TSPAN5: variants seen among roughly 807,000 people sequenced by gnomAD.
The protein encoded by TSPAN5 is tetraspanin 5.
In TSPAN5, 10 loss-of-function variants were observed where a neutral mutation model predicts 37.1. The observed-to-expected ratio is 0.27, with a 90% CI of 0.17 to 0.46. The LOEUF (loss-of-function observed/expected upper bound fraction) is 0.46. Among genes scored for constraint, TSPAN5 ranks in the 20% least tolerant of loss-of-function variants. The pLI is 1.00. For synonymous variants in TSPAN5, 110 were observed against 118.9 expected (o/e 0.93, Z 0.48); for missense variants, 195 against 326.6 (o/e 0.60, Z 3.11).
intron 1 of TSPAN5, among the ~76,000 whole-genome samples, chr4:98,633,908 C>T (rs771953639): frequency 1.6e-4 from 25 of 151,904 alleles, no homozygotes; most frequent in Admixed American, 7.9e-4. Context: ...GGAGAAACCT[C>T]GTCTCTACTA....
At chr4:98,486,188 T>C (rs1019396037) in intron 3 of TSPAN5, among the ~76,000 whole-genome samples, 3 of 152,148 alleles carry the variant, frequency 2.0e-5, no homozygotes, top group Admixed American at 6.5e-5. Context: ...AAACATTCAC[T>C]CAGACAGTGA....
chr4:98,523,737 C>T (rs1173799694), intron 1 of TSPAN5, among the ~76,000 whole-genome samples: 1 of 152,190 alleles, frequency 6.6e-6, no homozygotes, highest in Non-Finnish European at 1.5e-5. Flanking sequence ...CCGTGCCCAG[C>T]TTTTATCTTT....
At chr4:98,542,729 A>AG (rs1156748418) in intron 1 of TSPAN5, among the ~76,000 whole-genome samples, 1 of 151,612 alleles carries the variant, frequency 6.6e-6, no homozygotes, top group Non-Finnish European at 1.5e-5. Flanking sequence ...TAAAAAAAAA[A>AG]AAAAAAAAAA....
At position 98,558,535 on chromosome 4, in the gene TSPAN5, G is replaced by C. The variant is rs116481764; in HGVS notation, c.82-50807C>G. 8.8e-3 allele frequency among the ~76,000 whole-genome samples: 1,334 copies of C among 152,318 alleles called. 9 individuals carry two copies. The highest frequency in any genetic ancestry group is 0.014 in the Middle Eastern group (4 of 294). On this transcript the variant is annotated intron_variant, in intron 1 of 7. Transcript: ENST00000305798. ...CAGCTTCCCCAGGGACTTTAATGTG[G>C]TGGCACTTGAAGAGATTGGTTTGCC...
chr4:98,565,530 C>T (rs1007509845), intron 1 of TSPAN5, among the ~76,000 whole-genome samples: 6 of 152,142 alleles, frequency 3.9e-5, no homozygotes, highest in Admixed American at 3.9e-4. Context: ...TTCACTTATT[C>T]CTCTTGAAAC....
chr4:98,622,189 C>T (rs530898932), intron 1 of TSPAN5, among the ~76,000 whole-genome samples: 3 of 152,268 alleles, frequency 2.0e-5, no homozygotes, highest in Admixed American at 1.3e-4. Flanking sequence ...AAATGATTCT[C>T]GTGCCTCAGC....
chr4:98,508,383 C>T (rs1578955102), intron 1 of TSPAN5, among the ~76,000 whole-genome samples: 1 of 152,164 alleles, frequency 6.6e-6, no homozygotes, highest in Non-Finnish European at 1.5e-5. Flanking sequence ...CTGAGTTACG[C>T]ATTCAGCCCT....
At chr4:98,628,659 C>CCCCATCA (rs1355993070) in intron 1 of TSPAN5, among the ~76,000 whole-genome samples, 1 of 152,190 alleles carries the variant, frequency 6.6e-6, no homozygotes, top group African/African-American at 2.4e-5. Context: ...TTACCACACT[C>CCCCATCA]CCCATCACTC....
chr4:98,563,836 C>T (rs183656870), intron 1 of TSPAN5, among the ~76,000 whole-genome samples: 1 of 152,240 alleles, frequency 6.6e-6, no homozygotes, highest in East Asian at 1.9e-4. Flanking sequence ...TCTTGGTTGT[C>T]ACCCTATTGG....
intron 1 of TSPAN5, among the ~76,000 whole-genome samples, chr4:98,549,233 A>C (rs1443735940): frequency 6.6e-6 from 1 of 152,130 alleles, no homozygotes; most frequent in African/African-American, 2.4e-5. Flanking sequence ...GTTGAATAAC[A>C]ACCATTCTGA....
At chr4:98,491,213 C>T (rs574050766) in intron 2 of TSPAN5, among the ~76,000 whole-genome samples, 11 of 152,294 alleles carry the variant, frequency 7.2e-5, no homozygotes, top group Non-Finnish European at 1.6e-4. Flanking sequence ...ATCCACTCGG[C>T]ATTTTTCAAG....
chr4:98,473,536 T>C (rs1238290056), intron 7 of TSPAN5, among the ~76,000 whole-genome samples: 1 of 150,976 alleles, frequency 6.6e-6, no homozygotes, highest in African/African-American at 2.4e-5. Context: ...CTCGGCTCAC[T>C]GCAAGCTCCG....
At chr4:98,629,960 ATACT>A (rs1451723631) in intron 1 of TSPAN5, among the ~76,000 whole-genome samples, 12 of 152,230 alleles carry the variant, frequency 7.9e-5, no homozygotes, top group African/African-American at 2.9e-4. Flanking sequence ...CTGTCTTGTC[ATACT>A]TACATAACCA....
At chr4:98,489,914 T>C (rs1753049742) in intron 2 of TSPAN5, among the ~76,000 whole-genome samples, 1 of 152,112 alleles carries the variant, frequency 6.6e-6, no homozygotes. Flanking sequence ...GGACCCCCGG[T>C]AACAATACCA....
intron 1 of TSPAN5, among the ~76,000 whole-genome samples, chr4:98,551,133 C>A (rs374863333): frequency 6.7e-6 from 1 of 149,262 alleles, no homozygotes; most frequent in Non-Finnish European, 1.5e-5. Flanking sequence ...TCTATTGAGA[C>A]GATCATATGT....
chr4:98,618,443 C>G (rs1022799946), intron 1 of TSPAN5, among the ~76,000 whole-genome samples: 1 of 152,122 alleles, frequency 6.6e-6, no homozygotes, highest in Non-Finnish European at 1.5e-5. Context: ...CTAAGTAAAC[C>G]CCAAGCAATT....
At chr4:98,503,142 C>T (rs556441261) in intron 2 of TSPAN5, among the ~76,000 whole-genome samples, 2 of 152,108 alleles carry the variant, frequency 1.3e-5, no homozygotes, top group Admixed American at 1.3e-4. Context: ...AATCCTGCAA[C>T]TGCCTATGAA....
At position 98,658,270 on chromosome 4, in the gene TSPAN5, G is replaced by A. The variant is rs781167950; in HGVS notation, c.-44C>T. ...CACTTGCCCCGGCAGCCCGAGTTTG[G>A]AGCTCCGAAGCACCGTTGCTCGGAG... On this transcript the variant is annotated 5_prime_UTR_variant, in exon 1 of 8. Coordinates refer to ENST00000305798, the MANE Select transcript of TSPAN5 (RefSeq NM_005723.4). 4 of 1,513,324 alleles carry A rather than the reference G, an allele frequency of 2.6e-6. No homozygotes were observed. Among genetic ancestry groups the A allele is most frequent in the Non-Finnish European group, 3.7e-6 (4 of 1,088,488 alleles). The allele number at this position is 1,513,324 out of a possible 1,614,324, so 93.7% of individuals were successfully genotyped here.
intron 1 of TSPAN5, among the ~76,000 whole-genome samples, chr4:98,575,771 C>CAA (rs35433252): frequency 4.9e-5 from 7 of 141,902 alleles, no homozygotes; most frequent in Admixed American, 1.4e-4. Context: ...CCCCACCCCA[C>CAA]AAAAAAAAAA....
Sources: allele counts gnomAD v4.1 joint callset (sites outside exome capture counted in the v4.1 genomes callset), GRCh38; gene constraint gnomAD v4.1.1; transcripts MANE v1.5; gene names NCBI Gene and HGNC (gene_info 2026-07-23, HGNC 2026-07-21).